The following LARP4B variants were observed in gnomAD, a reference collection of about 807,000 sequenced individuals.
LARP4B encodes the protein la-related protein 4B.
LARP4B carries 12 observed loss-of-function variants against 89.8 expected under a neutral mutation model. The ratio of observed to expected loss-of-function variants is 0.13; its 90% CI spans 0.09 to 0.22. The LOEUF (loss-of-function observed/expected upper bound fraction) is 0.22. LARP4B is among the 10% of genes least tolerant of loss of function. The pLI is 1.00. For missense variants in LARP4B, 757 were observed against 947.7 expected, an observed-to-expected ratio of 0.80 and a Z score of 2.64; for synonymous variants, 367 against 363.3, an observed-to-expected ratio of 1.01 and a Z score of -0.12.
At chr10:979,036 T>C in the LARP4B span, among the ~76,000 whole-genome samples, 24 of 152,340 alleles carry the variant, frequency 1.6e-4, no homozygotes, top group South Asian at 1.9e-3. Flanking sequence ...GATGGCAATC[T>C]GGCTTTTCCT....
At chr10:943,698 A>C in the LARP4B span, among the ~76,000 whole-genome samples, 2 of 152,302 alleles carry the variant, frequency 1.3e-5, no homozygotes, top group East Asian at 3.9e-4. Flanking sequence ...TTTTAAAACA[A>C]GGTTGTGAAG....
At chr10:982,116 C>CTTT in the LARP4B span, among the ~76,000 whole-genome samples, 4 of 46,000 alleles carry the variant, frequency 8.7e-5, no homozygotes, top group African/African-American at 9.0e-5. Context: ...TTCTTTCTTT[C>CTTT]TTTTTTTTTT....
At chr10:888,337 CAAA>C (rs547831151) in intron 1 of LARP4B, among the ~76,000 whole-genome samples, 1 of 123,778 alleles carries the variant, frequency 8.1e-6, no homozygotes, top group Non-Finnish European at 1.7e-5. Flanking sequence ...AACAAACAAA[CAAA>C]AAAAAAAAAA....
At chr10:896,466 C>T (rs954481896) in intron 1 of LARP4B, among the ~76,000 whole-genome samples, 1 of 152,122 alleles carries the variant, frequency 6.6e-6, no homozygotes, top group African/African-American at 2.4e-5. Flanking sequence ...AGACAAGAAT[C>T]CAGCCAAGAT....
intron 1 of LARP4B, among the ~76,000 whole-genome samples, chr10:915,615 T>G (rs10904580): frequency 0.19 from 28,158 of 151,924 alleles, 2,847 homozygotes; most frequent in Non-Finnish European, 0.23. Context: ...CCATCCTGGC[T>G]AACACGGTGA....
At chr10:968,775 G>T in the LARP4B span, among the ~76,000 whole-genome samples, 1 of 152,260 alleles carries the variant, frequency 6.6e-6, no homozygotes, top group African/African-American at 2.4e-5. Flanking sequence ...GGTAGCTGTG[G>T]GCGTGAGCGC....
chr10:967,949 G>A, the LARP4B span, among the ~76,000 whole-genome samples: 2 of 152,176 alleles, frequency 1.3e-5, no homozygotes, highest in Admixed American at 6.5e-5. Context: ...CGATCCGCCC[G>A]CCTCAGCCTC....
intron 1 of LARP4B, among the ~76,000 whole-genome samples, chr10:908,924 TG>T (rs1836576211): frequency 5.3e-5 from 8 of 152,098 alleles, no homozygotes; most frequent in Admixed American, 5.2e-4. Context: ...GGGGGACACC[TG>T]AAACAGATAG....
At chr10:831,121 A>G (rs896395832) in intron 8 of LARP4B, 144 bp from the exon 9 acceptor site, 1 of 476,616 alleles carries the variant, frequency 2.1e-6, no homozygotes, top group Non-Finnish European at 3.7e-6. Flanking sequence ...CTCTTCCAAA[A>G]AGGATGAGGG....
chr10:933,356 C>G (rs1389485127), upstream of LARP4B, among the ~76,000 whole-genome samples: 2 of 152,034 alleles, frequency 1.3e-5, no homozygotes, highest in African/African-American at 2.4e-5. Context: ...AGAGTGCTGT[C>G]TCGGGCCCCC....
At chr10:860,338 T>C (rs902227102) in intron 5 of LARP4B, among the ~76,000 whole-genome samples, 14 of 152,054 alleles carry the variant, frequency 9.2e-5, no homozygotes, top group African/African-American at 3.4e-4. Context: ...GTCATAAGGG[T>C]CATAAGGATG....
intron 8 of LARP4B, among the ~76,000 whole-genome samples, chr10:834,543 T>C (rs1247902799): frequency 6.6e-6 from 1 of 152,194 alleles, no homozygotes; most frequent in East Asian, 1.9e-4. Context: ...TTATACAGAG[T>C]CCTTGGGAAC....
intron 5 of LARP4B, among the ~76,000 whole-genome samples, chr10:856,177 A>G (rs1834292146): frequency 6.6e-6 from 1 of 152,252 alleles, no homozygotes; most frequent in Non-Finnish European, 1.5e-5. Context: ...ATTACACAAG[A>G]AATTTTAAAC....
chr10:920,638 G>A (rs1238304988), intron 1 of LARP4B, among the ~76,000 whole-genome samples: 1 of 152,042 alleles, frequency 6.6e-6, no homozygotes, highest in African/African-American at 2.4e-5. Context: ...GCTGGGCATG[G>A]TGACGTGCCT....
chr10:830,252 G>A (rs1027560308), intron 9 of LARP4B, among the ~76,000 whole-genome samples: 4 of 152,040 alleles, frequency 2.6e-5, no homozygotes, highest in Admixed American at 6.6e-5. Context: ...TTCGCCACAC[G>A]GGCTGGCAGA....
chr10:812,205 A>T lies in LARP4B; in HGVS notation c.*721T>A, dbSNP rs1459499139. 1.3e-5 allele frequency: 2 copies of T among 152,812 alleles called. No individual in the cohort carries two copies. The highest frequency in any genetic ancestry group is 3.9e-4 in the East Asian group (2 of 5,192). 9.5% of individuals were successfully genotyped at this position (152,812 alleles called of 1,614,324 possible). On this transcript the variant is annotated 3_prime_UTR_variant, in exon 18 of 18. Transcript: ENST00000316157. ...AAGTGTATGTTTTCATGTAGGTTCT[A>T]TTCACAATGTGCTTTGAATTTATAT...
chr10:918,111 G>T (rs1282262760), intron 1 of LARP4B, among the ~76,000 whole-genome samples: 2 of 152,100 alleles, frequency 1.3e-5, no homozygotes, highest in African/African-American at 4.8e-5. Context: ...GAAATTCAAA[G>T]ACTACAGAAG....
intron 5 of LARP4B, among the ~76,000 whole-genome samples, chr10:853,980 G>A (rs1161558316): frequency 2.6e-5 from 4 of 152,194 alleles, no homozygotes; most frequent in African/African-American, 9.7e-5. Context: ...AAACCCTGCT[G>A]CTGCTTTATC....
intron 7 of LARP4B, among the ~76,000 whole-genome samples, chr10:838,775 G>A (rs557303213): frequency 6.6e-6 from 1 of 152,256 alleles, no homozygotes; most frequent in East Asian, 1.9e-4. Context: ...TTATCCAAAG[G>A]AGCTAAAAAA....
Sources: gnomAD v4.1 joint callset for allele counts (sites outside exome capture counted in the v4.1 genomes callset) on GRCh38, gnomAD v4.1.1 for gene constraint, MANE v1.5 for transcripts, NCBI Gene and HGNC (gene_info 2026-07-23, HGNC 2026-07-21) for gene names.